Variants in DRC11 observed in about 807,000 individuals in gnomAD.
DRC11 encodes dynein regulatory complex subunit 11, also known as IQ and AAA domain-containing protein 1.
the DRC11 span, among the ~76,000 whole-genome samples, chr2:236,358,915 A>AAGAC: frequency 2.7e-5 from 4 of 150,478 alleles, no homozygotes; most frequent in East Asian, 7.8e-4. Flanking sequence ...TGCCCTCCAC[A>AAGAC]AGACACAGGG....
chr2:236,416,743 A>ATT, the DRC11 span, among the ~76,000 whole-genome samples: 4 of 56,424 alleles, frequency 7.1e-5, no homozygotes, highest in Admixed American at 1.8e-4. Flanking sequence ...ATATATATAT[A>ATT]TATATATATA....
chr2:236,489,591 G>A, the DRC11 span, among the ~76,000 whole-genome samples: 1 of 152,126 alleles, frequency 6.6e-6, no homozygotes, highest in African/African-American at 2.4e-5. Context: ...GTCCATGCAT[G>A]GATGGAAGCA....
chr2:236,383,433 T>G, the DRC11 span, among the ~76,000 whole-genome samples: 2 of 152,150 alleles, frequency 1.3e-5, no homozygotes, highest in South Asian at 4.1e-4. Context: ...CTATTCTCTA[T>G]TTCATGGATT....
the DRC11 span, among the ~76,000 whole-genome samples, chr2:236,381,477 C>T: frequency 3.3e-5 from 5 of 151,270 alleles, no homozygotes; most frequent in Admixed American, 6.6e-5. The surrounding 1 kb of genome is among the most constrained non-coding windows in gnomAD (Gnocchi z 5.8). Flanking sequence ...AATCGCCTTT[C>T]GCAGCTCCCA....
At chr2:236,367,122 C>T in the DRC11 span, among the ~76,000 whole-genome samples, 27,905 of 150,480 alleles carry the variant, frequency 0.19, 2,856 homozygotes, top group Non-Finnish European at 0.23. This position sits in a 1 kb window ranked among gnomAD's most constrained non-coding sequence, Gnocchi z 4.8. Flanking sequence ...GCCTGGCTCA[C>T]TGGTGCTTTC....
the DRC11 span, among the ~76,000 whole-genome samples, chr2:236,436,951 A>G: frequency 6.6e-6 from 1 of 152,004 alleles, no homozygotes. Context: ...AAAATTTATT[A>G]TTATTATACT....
chr2:236,438,488 T>C, the DRC11 span, among the ~76,000 whole-genome samples: 28 of 151,070 alleles, frequency 1.9e-4, no homozygotes. Flanking sequence ...AGAAAGTCAT[T>C]GGTAGCTTGA....
the DRC11 span, among the ~76,000 whole-genome samples, chr2:236,308,947 C>T: frequency 6.6e-6 from 1 of 152,212 alleles, no homozygotes; most frequent in African/African-American, 2.4e-5. The surrounding 1 kb of genome is among the most constrained non-coding windows in gnomAD (Gnocchi z 6.0). Flanking sequence ...TGCAGGGGAG[C>T]TGTGAGTGGG....
chr2:236,358,397 TC>T, the DRC11 span, among the ~76,000 whole-genome samples: 18 of 139,968 alleles, frequency 1.3e-4, no homozygotes, highest in East Asian at 8.3e-4. Flanking sequence ...TATATGAATA[TC>T]ATATATAAAT....
chr2:236,428,115 T>C, the DRC11 span, among the ~76,000 whole-genome samples: 1 of 152,204 alleles, frequency 6.6e-6, no homozygotes, highest in South Asian at 2.1e-4. Context: ...ATGATTTTGA[T>C]CTTCCTAAAT....
At chr2:236,357,117 A>ATTT in the DRC11 span, among the ~76,000 whole-genome samples, 1 of 97,894 alleles carries the variant, frequency 1.0e-5, no homozygotes, top group African/African-American at 3.6e-5. Flanking sequence ...ATATATCTAT[A>ATTT]TATTATATAT....
chr2:236,419,624 T>C, the DRC11 span, among the ~76,000 whole-genome samples: 3 of 152,198 alleles, frequency 2.0e-5, no homozygotes, highest in Admixed American at 6.5e-5. This position sits in a 1 kb window ranked among gnomAD's most constrained non-coding sequence, Gnocchi z 4.8. Context: ...GTGCCAGCCC[T>C]GCCCACAGCT....
At chr2:236,357,819 AATATAC>A in the DRC11 span, among the ~76,000 whole-genome samples, 138 of 126,348 alleles carry the variant, frequency 1.1e-3, no homozygotes, top group Non-Finnish European at 1.6e-3. Context: ...AGAATATATA[AATATAC>A]ATATACTATA....
At chr2:236,506,668 C>T in the DRC11 span, among the ~76,000 whole-genome samples, 2 of 152,148 alleles carry the variant, frequency 1.3e-5, no homozygotes, top group African/African-American at 4.8e-5. The surrounding 1 kb of genome is among the most constrained non-coding windows in gnomAD (Gnocchi z 4.9). Context: ...TGCTGTGAAG[C>T]GGTTAGAACA....
At chr2:236,405,399 C>T in the DRC11 span, among the ~76,000 whole-genome samples, 1 of 151,398 alleles carries the variant, frequency 6.6e-6, no homozygotes, top group Non-Finnish European at 1.5e-5. This position sits in a 1 kb window ranked among gnomAD's most constrained non-coding sequence, Gnocchi z 4.6. Context: ...ACTTTCTTGC[C>T]TTTTTTTGCA....
chr2:236,343,597 A>T, the DRC11 span: 2 of 649,528 alleles, frequency 3.1e-6, no homozygotes, highest in Non-Finnish European at 5.0e-6. This position sits in a 1 kb window ranked among gnomAD's most constrained non-coding sequence, Gnocchi z 6.6. Flanking sequence ...CAGGTTTCTG[A>T]TAACTCCAGG....
At chr2:236,445,583 G>A in the DRC11 span, among the ~76,000 whole-genome samples, 2 of 151,492 alleles carry the variant, frequency 1.3e-5, no homozygotes, top group African/African-American at 2.4e-5. The surrounding 1 kb of genome is among the most constrained non-coding windows in gnomAD (Gnocchi z 4.8). Context: ...CAGGTGATCC[G>A]CCTACCCCAG....
chr2:236,318,824 G>C, the DRC11 span, among the ~76,000 whole-genome samples: 1 of 152,096 alleles, frequency 6.6e-6, no homozygotes, highest in Non-Finnish European at 1.5e-5. The surrounding 1 kb of genome is among the most constrained non-coding windows in gnomAD (Gnocchi z 7.0). Flanking sequence ...CCAGCCCAGC[G>C]AGCTTTCCAT....
the DRC11 span, chr2:236,346,679 C>T: frequency 5.9e-6 from 1 of 169,334 alleles, no homozygotes; most frequent in African/African-American, 2.4e-5. Flanking sequence ...CCAATACATA[C>T]ACACACCAAG....
Sources: gnomAD v4.1 joint callset for allele counts (sites outside exome capture counted in the v4.1 genomes callset) on GRCh38, gnomAD v4.1.1 for gene constraint, Gnocchi (gnomAD v3.1) non-coding constraint, MANE v1.5 for transcripts, NCBI Gene and HGNC (gene_info 2026-07-23, HGNC 2026-07-21) for gene names.